The following TSC22D1 variants were observed in gnomAD, a reference collection of about 807,000 sequenced individuals.
TSC22D1 encodes the protein TSC22 domain family protein 1.
A neutral mutation model predicts 74.2 loss-of-function variants in TSC22D1; 9 were observed. The ratio of observed to expected loss-of-function variants is 0.12; its 90% CI spans 0.07 to 0.21. The LOEUF (loss-of-function observed/expected upper bound fraction) is 0.21. Ranked by LOEUF, TSC22D1 falls within the 10% of genes least tolerant of loss-of-function variation. The pLI is 1.00. For synonymous variants in TSC22D1, 586 were observed against 492.5 expected (o/e 1.19, Z -2.51); for missense variants, 1,427 against 1,304.7 (o/e 1.09, Z -1.44).
intron 1 of TSC22D1, among the ~76,000 whole-genome samples, chr13:44,458,771 G>A (rs749231498): frequency 2.6e-5 from 4 of 152,166 alleles, no homozygotes; most frequent in Non-Finnish European, 4.4e-5. Flanking sequence ...CCGACCAGGT[G>A]TGTGTGTGCG....
At position 44,573,773 on chromosome 13, in the gene TSC22D1, C is replaced by T. The variant is rs772208028; in HGVS notation, c.2302G>A (p.Ala768Thr). 4 of 1,614,216 alleles carry T rather than the reference C, an allele frequency of 2.5e-6. No individual in the cohort carries two copies. Among genetic ancestry groups the T allele is most frequent in the Non-Finnish European group, 3.4e-6 (4 of 1,180,042 alleles). ...CCCTGATGAATAATCCCAGTTTGAG[C>T]AGGTGGAACCACTTGCGAAGATGGA... is the stretch of plus-strand genomic sequence containing the variant. ...APPSSQVVPP[A>T]QTGIIHQGVQ... Residue 768 changes from alanine to threonine, a missense_variant, in exon 1 of 3, where the codon GCT becomes ACT. Coordinates refer to ENST00000458659, the MANE Select transcript of TSC22D1 (RefSeq NM_183422.4).
At chr13:44,462,282 G>A (rs1240919949) in intron 1 of TSC22D1, among the ~76,000 whole-genome samples, 1 of 152,178 alleles carries the variant, frequency 6.6e-6, no homozygotes, top group African/African-American at 2.4e-5. Flanking sequence ...TTTTGTTCAA[G>A]TTACATAACA....
chr13:44,499,873 A>C (rs1879145044), intron 1 of TSC22D1, among the ~76,000 whole-genome samples: 1 of 152,032 alleles, frequency 6.6e-6, no homozygotes, highest in Non-Finnish European at 1.5e-5. Context: ...GGTCACCTGA[A>C]GTCAGGAGTT....
intron 1 of TSC22D1, among the ~76,000 whole-genome samples, chr13:44,501,321 C>T (rs1042242964): frequency 1.3e-5 from 2 of 152,148 alleles, no homozygotes; most frequent in African/African-American, 2.4e-5. Flanking sequence ...ATCAGAGAGA[C>T]CCCTCTCCAA....
At chr13:44,547,316 A>T (rs1474209187) in intron 1 of TSC22D1, among the ~76,000 whole-genome samples, 2 of 152,170 alleles carry the variant, frequency 1.3e-5, no homozygotes, top group Non-Finnish European at 2.9e-5. Context: ...AAGTAACCAG[A>T]TGTTAATAGT....
chr13:44,496,695 GTAA>G (rs1174523982), intron 1 of TSC22D1, among the ~76,000 whole-genome samples: 1 of 151,488 alleles, frequency 6.6e-6, no homozygotes, highest in Non-Finnish European at 1.5e-5. Flanking sequence ...CAAAAAAATA[GTAA>G]TAATAATAAA....
At chr13:44,496,991 C>CTA (rs150317466) in intron 1 of TSC22D1, among the ~76,000 whole-genome samples, 1,934 of 150,318 alleles carry the variant, frequency 0.013, 24 homozygotes, top group Non-Finnish European at 0.019. Flanking sequence ...AGCTGCTGTG[C>CTA]TATATATATA....
chr13:44,542,979 G>GA (rs1372529762), intron 1 of TSC22D1, among the ~76,000 whole-genome samples: 2 of 152,024 alleles, frequency 1.3e-5, no homozygotes, highest in African/African-American at 4.8e-5. Context: ...AACCACTAGA[G>GA]AAAAAATTTC....
chr13:44,434,558 C>T lies in TSC22D1; in HGVS notation c.*68G>A, dbSNP rs115077895. 1,085 of 1,480,316 alleles carry T rather than the reference C, an allele frequency of 7.3e-4. 8 individuals are homozygous for T. The African/African-American group carries it at 0.013, about 18-fold the overall frequency. 91.7% of individuals were successfully genotyped at this position (1,480,316 alleles called of 1,614,324 possible). A position where few individuals can be genotyped will look rare whatever the true frequency, so the allele number is the denominator to read the frequency against. On this transcript the variant is annotated 3_prime_UTR_variant, in exon 3 of 3. Transcript: ENST00000458659. Reference sequence around the variant, plus strand: ...AAATGGGTGACTGTGGAGGCAGATTCTCCCTAGCACATCTTCTCCGTCTGT... The same window carrying T: ...AAATGGGTGACTGTGGAGGCAGATTTTCCCTAGCACATCTTCTCCGTCTGT...
At position 44,575,041 on chromosome 13, in the gene TSC22D1, C is replaced by T. The variant is rs746323133; in HGVS notation, c.1034G>A (p.Ser345Asn). 3 of 1,614,170 alleles carry T rather than the reference C, an allele frequency of 1.9e-6. No homozygotes were observed. The highest frequency in any genetic ancestry group is 2.5e-6 in the Non-Finnish European group (3 of 1,180,042). Residue 345 changes from serine to asparagine, a missense_variant, in exon 1 of 3, where the codon AGT (serine) becomes AAT (asparagine). Physicochemically the swap from Ser to Asn is conservative, Grantham distance 46. This residue lies in a region of TSC22D1 where 1,343 missense variants were observed against 1,191.5 expected (regional missense o/e 1.13). Transcript: ENST00000458659. ...AGGCCCAACACTCACACCAGCAGCA[C>T]TAGGAATATTGCTTGTACTTATATT... ...NVNISTSNIP[S>N]AAGVSVGPGV...
chr13:44,453,694 G>A (rs1240957287), intron 1 of TSC22D1, among the ~76,000 whole-genome samples: 2 of 152,146 alleles, frequency 1.3e-5, no homozygotes, highest in Admixed American at 6.5e-5. Flanking sequence ...CCAGAAATAC[G>A]CAGTTCAATT....
chr13:44,436,969 T>G, intron 1 of TSC22D1: 2 of 1,002,760 alleles, frequency 2.0e-6, no homozygotes, highest in Non-Finnish European at 2.4e-6. Flanking sequence ...GCTTCCCTGC[T>G]TCCCCGCCTC....
At chr13:44,463,860 G>C (rs2137886023) in intron 1 of TSC22D1, among the ~76,000 whole-genome samples, 1 of 152,230 alleles carries the variant, frequency 6.6e-6, no homozygotes, top group Admixed American at 6.5e-5. Context: ...TATGTACCTA[G>C]CTTAAATTTT....
At chr13:44,478,075 A>G (rs1878007324) in intron 1 of TSC22D1, among the ~76,000 whole-genome samples, 4 of 151,990 alleles carry the variant, frequency 2.6e-5, no homozygotes. Flanking sequence ...AATAATAATA[A>G]TAAGTAAAAT....
chr13:44,513,507 G>A (rs1391563943), intron 1 of TSC22D1, among the ~76,000 whole-genome samples: 1 of 152,098 alleles, frequency 6.6e-6, no homozygotes, highest in Non-Finnish European at 1.5e-5. Context: ...ACAGAAATAG[G>A]TCTTCATACT....
chr13:44,529,672 A>G (rs761269078), intron 1 of TSC22D1, among the ~76,000 whole-genome samples: 2 of 152,142 alleles, frequency 1.3e-5, no homozygotes, highest in Non-Finnish European at 2.9e-5. Flanking sequence ...ATGATTGTGT[A>G]TGTTGAAAAC....
At chr13:44,534,385 A>G (rs1378586211) in intron 1 of TSC22D1, among the ~76,000 whole-genome samples, 9 of 151,326 alleles carry the variant, frequency 5.9e-5, no homozygotes, top group South Asian at 4.2e-4. Flanking sequence ...AAAAAAAGCC[A>G]AAAATGTCCA....
chr13:44,536,229 TCCA>T (rs2138078018), intron 1 of TSC22D1, among the ~76,000 whole-genome samples: 1 of 152,022 alleles, frequency 6.6e-6, no homozygotes, highest in East Asian at 1.9e-4. Flanking sequence ...TACATTTTAA[TCCA>T]CCAATTGTCA....
chr13:44,549,791 A>AG (rs1882098821), intron 1 of TSC22D1, among the ~76,000 whole-genome samples: 2 of 151,368 alleles, frequency 1.3e-5, no homozygotes, highest in Admixed American at 1.3e-4. Flanking sequence ...AAAAAAAAAA[A>AG]AAGAAGAAGG....
Sources: gnomAD v4.1 joint callset for allele counts (sites outside exome capture counted in the v4.1 genomes callset) on GRCh38, gnomAD v4.1.1 for gene constraint, gnomAD v4.1.1 regional missense constraint, MANE v1.5 for transcripts, NCBI Gene and HGNC (gene_info 2026-07-23, HGNC 2026-07-21) for gene names.